Variants in ERBB4 observed in about 807,000 individuals in gnomAD.
ERBB4 encodes erb-b2 receptor tyrosine kinase 4.
ERBB4 carries 42 observed loss-of-function variants against 158.0 expected under a neutral mutation model. The ratio of observed to expected loss-of-function variants is 0.27; its 90% confidence interval spans 0.21 to 0.34. The LOEUF is 0.34. Among genes scored for constraint, ERBB4 ranks in the 10% least tolerant of loss-of-function variants. ERBB4 has a pLI of 1.00. For missense variants in ERBB4, 1,333 were observed against 1,624.1 expected (o/e 0.82, Z 3.08); for synonymous variants, 583 against 558.7 (o/e 1.04, Z -0.61).
At chr2:211,541,381 A>G (rs879679452) in intron 20 of ERBB4, among the ~76,000 whole-genome samples, 12 of 151,944 alleles carry the variant, frequency 7.9e-5, no homozygotes, top group Non-Finnish European at 1.8e-4. Context: ...TCCTGGAGAT[A>G]TAGCTCTGTT....
chr2:212,468,618 T>A (rs926442958), intron 1 of ERBB4, among the ~76,000 whole-genome samples: 4 of 152,210 alleles, frequency 2.6e-5, no homozygotes, highest in African/African-American at 9.6e-5. Context: ...GTCTCAGGTA[T>A]ATCTTTATCA....
chr2:212,343,019 A>G (rs2106323734), intron 1 of ERBB4, among the ~76,000 whole-genome samples: 1 of 152,292 alleles, frequency 6.6e-6, no homozygotes, highest in East Asian at 1.9e-4. Flanking sequence ...AATTCAAATG[A>G]TCAACAATAA....
chr2:211,506,378 CTG>C (rs2065750500), intron 20 of ERBB4, among the ~76,000 whole-genome samples: 1 of 152,094 alleles, frequency 6.6e-6, no homozygotes, highest in South Asian at 2.1e-4. Context: ...CAAGAAAACT[CTG>C]TACCTAAACT....
intron 4 of ERBB4, among the ~76,000 whole-genome samples, chr2:211,773,624 A>ATATATAT (rs1553630433): frequency 1.4e-5 from 1 of 73,978 alleles, no homozygotes; most frequent in African/African-American, 5.9e-5. Context: ...ATATATATAT[A>ATATATAT]TATATATATA....
At chr2:211,762,670 C>T (rs764429228) in intron 4 of ERBB4, among the ~76,000 whole-genome samples, 2 of 152,180 alleles carry the variant, frequency 1.3e-5, no homozygotes, top group Non-Finnish European at 2.9e-5. Context: ...CACGTGTTCA[C>T]TTTGTGAGTG....
intron 1 of ERBB4, among the ~76,000 whole-genome samples, chr2:212,334,912 A>G (rs1246989881): frequency 6.6e-6 from 1 of 151,984 alleles, no homozygotes; most frequent in Non-Finnish European, 1.5e-5. Flanking sequence ...TTCAGTGCTC[A>G]TATTTCATAA....
At chr2:212,095,616 G>A (rs2078904894) in intron 2 of ERBB4, among the ~76,000 whole-genome samples, 1 of 152,140 alleles carries the variant, frequency 6.6e-6, no homozygotes, top group African/African-American at 2.4e-5. Flanking sequence ...AGAATACAGA[G>A]CATTTATGAC....
intron 1 of ERBB4, among the ~76,000 whole-genome samples, chr2:212,407,710 C>A (rs1349956666): frequency 2.0e-5 from 3 of 151,980 alleles, no homozygotes; most frequent in African/African-American, 7.2e-5. Context: ...AACAGCAGTA[C>A]AAAGTTACTT....
At chr2:212,091,310 T>C (rs914700294) in intron 2 of ERBB4, among the ~76,000 whole-genome samples, 8 of 152,164 alleles carry the variant, frequency 5.3e-5, no homozygotes, top group Admixed American at 6.6e-5. Flanking sequence ...TGCAATAAAC[T>C]TAAATTACCT....
chr2:211,581,400 A>G (rs1460649612), intron 19 of ERBB4, among the ~76,000 whole-genome samples: 1 of 152,200 alleles, frequency 6.6e-6, no homozygotes, highest in Non-Finnish European at 1.5e-5. Flanking sequence ...GTCAAGCAAA[A>G]CACACCTACA....
At chr2:211,424,900 G>A (rs2063592347) in intron 22 of ERBB4, among the ~76,000 whole-genome samples, 1 of 152,136 alleles carries the variant, frequency 6.6e-6, no homozygotes, top group Non-Finnish European at 1.5e-5. Flanking sequence ...ATGTGAAGTA[G>A]TCACCAACAA....
intron 20 of ERBB4, among the ~76,000 whole-genome samples, chr2:211,474,185 G>C (rs1053617530): frequency 6.6e-6 from 1 of 151,990 alleles, no homozygotes; most frequent in Admixed American, 6.6e-5. Flanking sequence ...TGGAACAAGA[G>C]GGGCCAATTT....
chr2:212,477,413 T>G (rs10497975), intron 1 of ERBB4, among the ~76,000 whole-genome samples: 2 of 151,988 alleles, frequency 1.3e-5, no homozygotes, highest in Non-Finnish European at 2.9e-5. Context: ...AAAGTAGACA[T>G]GGACGATAAA....
intron 2 of ERBB4, among the ~76,000 whole-genome samples, chr2:212,081,747 C>T (rs1165672421): frequency 6.6e-6 from 1 of 151,972 alleles, no homozygotes; most frequent in East Asian, 1.9e-4. Context: ...AACATTTGCC[C>T]CCTTTGTGTT....
At chr2:212,516,710 C>T (rs558868645) in intron 1 of ERBB4, among the ~76,000 whole-genome samples, 1 of 152,176 alleles carries the variant, frequency 6.6e-6, no homozygotes, top group South Asian at 2.1e-4. Context: ...TAAAGAGTTG[C>T]TGCTGATGTT....
intron 3 of ERBB4, among the ~76,000 whole-genome samples, chr2:211,840,253 G>T (rs955460298): frequency 1.3e-5 from 2 of 151,838 alleles, no homozygotes; most frequent in South Asian, 4.2e-4. Flanking sequence ...TTGCACACTC[G>T]CTTTGCCTGC....
intron 5 of ERBB4, among the ~76,000 whole-genome samples, chr2:211,735,781 C>T (rs1275729477): frequency 6.6e-6 from 1 of 152,050 alleles, no homozygotes; most frequent in Non-Finnish European, 1.5e-5. Flanking sequence ...AGTTATACCA[C>T]AAGCACATTT....
At chr2:211,393,284 T>G (rs939151788) in intron 25 of ERBB4, among the ~76,000 whole-genome samples, 3 of 152,186 alleles carry the variant, frequency 2.0e-5, no homozygotes, top group African/African-American at 7.2e-5. Context: ...ATTTTAGGTT[T>G]TATTTATTCT....
intron 1 of ERBB4, among the ~76,000 whole-genome samples, chr2:212,197,917 CA>C (rs1331310503): frequency 6.6e-6 from 1 of 152,042 alleles, no homozygotes; most frequent in Non-Finnish European, 1.5e-5. Context: ...GAGAAATAAG[CA>C]TTTTAATTTT....
Sources: gnomAD v4.1 joint callset for allele counts (sites outside exome capture counted in the v4.1 genomes callset) on GRCh38, gnomAD v4.1.1 for gene constraint, MANE v1.5 for transcripts, NCBI Gene and HGNC (gene_info 2026-07-23, HGNC 2026-07-21) for gene names.